TOPBP1: variants seen among roughly 807,000 people sequenced by gnomAD.
The protein encoded by TOPBP1 is DNA topoisomerase 2-binding protein 1.
In TOPBP1, 28 loss-of-function variants were observed where a neutral mutation model predicts 167.7. The observed-to-expected ratio is 0.17, with a 90% CI of 0.12 to 0.23. The LOEUF (loss-of-function observed/expected upper bound fraction) is 0.23. Ranked by LOEUF, TOPBP1 falls within the 10% of genes least tolerant of loss-of-function variation. The pLI is 1.00. For missense variants in TOPBP1, 1,554 were observed against 1,809.6 expected (o/e 0.86, Z 2.56); for synonymous variants, 598 against 611.4 (o/e 0.98, Z 0.32).
At chr3:133,617,357 G>C (rs1173372743) in intron 21 of TOPBP1, 31 bp from the exon 22 acceptor site, 2 of 1,557,060 alleles carry the variant, frequency 1.3e-6, no homozygotes, top group Non-Finnish European at 1.7e-6. Flanking sequence ...CAGTGTGACA[G>C]GATCCAAATA....
intron 1 of TOPBP1, 128 bp from the exon 2 acceptor site, chr3:133,661,262 T>G: frequency 1.6e-6 from 1 of 642,464 alleles, no homozygotes; most frequent in Non-Finnish European, 2.5e-6. Flanking sequence ...TGCCCGTGAA[T>G]TCGTCAACGG....
chr3:133,661,037 C>T lies in TOPBP1; in HGVS notation c.84+7G>A, dbSNP rs1448033422. 5.7e-6 allele frequency: 9 copies of T among 1,567,096 alleles called. No homozygotes were observed. The highest frequency in any genetic ancestry group is 6.9e-6 in the Non-Finnish European group (8 of 1,162,380). ...ATTCACGGTATTAAGATGTTTTCAA[C>T]TCTTACCTCGAGAGCTTTAAAAAAA... On this transcript the variant is annotated splice_region_variant and intron_variant, in intron 2 of 27. Coordinates refer to ENST00000260810, the MANE Select transcript of TOPBP1 (RefSeq NM_007027.4).
rs568038962 is a variant in TOPBP1 at position 133,645,151 on chromosome 3, C to G, written c.1505-788G>C. On this transcript the variant is annotated intron_variant, in intron 10 of 27. Coordinates refer to ENST00000260810, the MANE Select transcript of TOPBP1 (RefSeq NM_007027.4). ...TACTTCTATCCTCATCTCCAACAGA[C>G]ACTAGCATTTTCATTTTTAAGTAAA... Among the ~76,000 whole-genome samples, 8 of 152,290 alleles carry G rather than the reference C, an allele frequency of 5.3e-5. 1 individual carries two copies. The highest frequency in any genetic ancestry group is 1.9e-4 in the African/African-American group (8 of 41,556).
Position 133,644,252 on chromosome 3 carries a change from T to C in TOPBP1, c.1616A>G (p.His539Arg), listed in dbSNP as rs1175373490. 1 of 1,613,838 alleles carries C rather than the reference T, an allele frequency of 6.2e-7. No homozygotes were observed. The highest frequency in any genetic ancestry group is 8.5e-7 in the Non-Finnish European group (1 of 1,179,832). ...AATTGTAGAAACATCAGGGACACAATGACTGACAGAAGACTGGTTTTCTTC... is the reference window on the plus strand; with the variant it reads ...AATTGTAGAAACATCAGGGACACAACGACTGACAGAAGACTGGTTTTCTTC... ...LQEENQSSVS[H>R]CVPDVSTITE... The change falls in exon 11 of 28, where the codon CAT becomes CGT. Residue 539 changes from histidine (H) to arginine (R), a missense_variant. Physicochemically the swap from His to Arg is conservative, Grantham distance 29. Transcript: ENST00000260810.
chr3:133,653,191 T>A (rs927441667), intron 7 of TOPBP1, among the ~76,000 whole-genome samples, 154 bp downstream of exon 7: 1 of 152,236 alleles, frequency 6.6e-6, no homozygotes, highest in Non-Finnish European at 1.5e-5. Flanking sequence ...CAGTGCTAAC[T>A]TTTTATACAA....
chr3:133,625,731 C>CA (rs369824399), intron 16 of TOPBP1, among the ~76,000 whole-genome samples: 1,910 of 135,124 alleles, frequency 0.014, 14 homozygotes, highest in Non-Finnish European at 0.021. Flanking sequence ...AACTCCCTCT[C>CA]AAAAAAAAAA....
In TOPBP1 at chr3:133,619,701, A is replaced by G. The variant is rs533854054; in HGVS notation, c.3371+454T>C. On this transcript the variant is annotated intron_variant, in intron 20 of 27. Transcript: ENST00000260810. ...ATACTAATACTAAAGAGCAGAGAGAACTGCCTACTGAATCCATTTCAAATG... is the reference window on the plus strand; with the variant it reads ...ATACTAATACTAAAGAGCAGAGAGAGCTGCCTACTGAATCCATTTCAAATG... Among the ~76,000 whole-genome samples, 5 of 152,354 alleles carry G rather than the reference A, an allele frequency of 3.3e-5. No individual in the cohort carries two copies. In the South Asian group the frequency reaches 1.0e-3, roughly 32 times the overall value.
At chr3:133,619,025 T>C (rs7637748) in intron 20 of TOPBP1, among the ~76,000 whole-genome samples, 16,379 of 150,494 alleles carry the variant, frequency 0.11, 967 homozygotes, top group Middle Eastern at 0.16. Context: ...TGACAGTAAA[T>C]AGAAGTCCTA....
chr3:133,620,613 T>A (rs1935057027), intron 19 of TOPBP1, among the ~76,000 whole-genome samples: 1 of 150,980 alleles, frequency 6.6e-6, no homozygotes, highest in African/African-American at 2.4e-5. Context: ...TCTAGCACTG[T>A]CGCCCAGGCT....
intron 27 of TOPBP1, among the ~76,000 whole-genome samples, chr3:133,601,805 T>G (rs1460751369): frequency 6.6e-6 from 1 of 152,172 alleles, no homozygotes; most frequent in Non-Finnish European, 1.5e-5. Context: ...AACATAGAAA[T>G]GGATCTTTTC....
intron 17 of TOPBP1, 92 bp from the exon 18 acceptor site, chr3:133,623,549 C>T: frequency 7.4e-7 from 1 of 1,357,748 alleles, no homozygotes; most frequent in African/African-American, 1.5e-5. Context: ...ATACATTATA[C>T]TGTAATATGG....
chr3:133,653,591 C>A (rs898833215), intron 6 of TOPBP1, 67 bp from the exon 7 acceptor site: 3 of 1,287,858 alleles, frequency 2.3e-6, no homozygotes, highest in Admixed American at 3.2e-5. Flanking sequence ...CCATTACAAT[C>A]TATCTTTGCA....
chr3:133,637,179 T>C (rs140006022), intron 14 of TOPBP1, among the ~76,000 whole-genome samples: 1,788 of 152,264 alleles, frequency 0.012, 12 homozygotes, highest in Non-Finnish European at 0.018. Flanking sequence ...AAATAATTCT[T>C]CAAAGGTTCG....
intron 27 of TOPBP1, among the ~76,000 whole-genome samples, chr3:133,605,179 A>G (rs1934447384): frequency 6.6e-6 from 1 of 151,426 alleles, no homozygotes; most frequent in Non-Finnish European, 1.5e-5. Context: ...AGTGTGGGCA[A>G]CAGAGCCAGA....
At chr3:133,633,276 T>A (rs1935551562) in intron 14 of TOPBP1, among the ~76,000 whole-genome samples, 1 of 152,214 alleles carries the variant, frequency 6.6e-6, no homozygotes, top group South Asian at 2.1e-4. Context: ...ATTGTTATGA[T>A]GACGCCATTG....
intron 13 of TOPBP1, among the ~76,000 whole-genome samples, chr3:133,639,502 A>G (rs935049328): frequency 6.6e-6 from 1 of 152,186 alleles, no homozygotes. Flanking sequence ...AATGTAAATG[A>G]CGAATTAATG....
chr3:133,658,044 A>C, intron 3 of TOPBP1, 103 bp from the exon 4 acceptor site: 1 of 910,248 alleles, frequency 1.1e-6, no homozygotes, highest in Non-Finnish European at 1.6e-6. Context: ...AAAGTTGATG[A>C]CCACTGTAGA....
At position 133,618,454 on chromosome 3, in the gene TOPBP1, T is replaced by C; in HGVS notation, c.3372-21A>G. The C allele has an allele frequency of 1.2e-6, 2 of 1,603,672 alleles. No individual in the cohort carries two copies. Among genetic ancestry groups the C allele is most frequent in the African/African-American group, 2.7e-5 (2 of 74,766 alleles). On this transcript the variant is annotated intron_variant, in intron 20 of 27. Transcript: ENST00000260810. ...ACTGCCTAAGGAATAGAAGTGACAGTTTAAATAAACAGCAATAACAAATCC... is the reference window on the plus strand; with the variant it reads ...ACTGCCTAAGGAATAGAAGTGACAGCTTAAATAAACAGCAATAACAAATCC...
intron 27 of TOPBP1, among the ~76,000 whole-genome samples, chr3:133,607,145 C>T (rs1660143094): frequency 6.6e-6 from 1 of 152,066 alleles, no homozygotes; most frequent in African/African-American, 2.4e-5. Context: ...ATTGAGTATC[C>T]CTTATCTGAA....
Sources: gnomAD v4.1 joint callset for allele counts (sites outside exome capture counted in the v4.1 genomes callset) on GRCh38, gnomAD v4.1.1 for gene constraint, MANE v1.5 for transcripts, NCBI Gene and HGNC (gene_info 2026-07-23, HGNC 2026-07-21) for gene names.